ZCCHC14: variants seen among roughly 807,000 people sequenced by gnomAD.
ZCCHC14 encodes zinc finger CCHC domain-containing protein 14.
In ZCCHC14, 16 loss-of-function variants were observed where a neutral mutation model predicts 85.0. That is an observed-to-expected ratio of 0.19 (90% CI 0.13 to 0.29). The LOEUF (loss-of-function observed/expected upper bound fraction) is 0.29, where lower values mean the gene tolerates loss of function less well. Ranked by LOEUF, ZCCHC14 falls within the 10% of genes least tolerant of loss-of-function variation. The probability of loss-of-function intolerance (pLI) is 1.00; values close to 1 mark genes in which losing one functional copy is unlikely to be tolerated. For missense variants in ZCCHC14, 1,303 were observed against 1,443.5 expected (o/e 0.90, Z 1.58); for synonymous variants, 775 against 630.7 (o/e 1.23, Z -3.43).
chr16:87,492,852 G>A lies in ZCCHC14; in HGVS notation c.-614C>T, dbSNP rs148800232. ...CGCGGCGGGAGGCGCGGAGGGATCC[G>A]GCCGGGACTTGCCGGCCTTGCTGCT... On this transcript the variant is annotated 5_prime_UTR_variant, in exon 1 of 13. Transcript: ENST00000671377. This position sits in a 1 kb window ranked among gnomAD's most constrained non-coding sequence, Gnocchi z 6.7. Among the ~76,000 whole-genome samples, 5 of 147,910 alleles carry A rather than the reference G, an allele frequency of 3.4e-5. No individual in the cohort carries two copies. The highest frequency in any genetic ancestry group is 1.2e-4 in the African/African-American group (5 of 40,894).
Position 87,492,820 on chromosome 16 carries a change from A to G in ZCCHC14, c.-582T>C, listed in dbSNP as rs1912837300. Among the ~76,000 whole-genome samples, 1 of 144,506 alleles carries G rather than the reference A, an allele frequency of 6.9e-6. No individual in the cohort carries two copies. The allele number at this position is 144,506 out of a possible 152,430, so 94.8% of individuals were successfully genotyped here. A position where few individuals can be genotyped will look rare whatever the true frequency, so the allele number is the denominator to read the frequency against. On this transcript the variant is annotated 5_prime_UTR_variant, in exon 1 of 13. Coordinates refer to ENST00000671377, the MANE Select transcript of ZCCHC14 (RefSeq NM_015144.3). The surrounding 1 kb of genome is among the most constrained non-coding windows in gnomAD (Gnocchi z 6.7). ...GCCGCGAAACGGACGCTGGAGGGGGAGGGACGCGCGGCGGGAGGCGCGGAG... is the reference window on the plus strand; with the variant it reads ...GCCGCGAAACGGACGCTGGAGGGGGGGGGACGCGCGGCGGGAGGCGCGGAG...
rs767851015 is a variant in ZCCHC14, at chr16:87,418,817, A to C, written c.1100+30T>G. 1.9e-6 allele frequency: 3 copies of C among 1,603,500 alleles called. No individual in the cohort carries two copies. The East Asian group carries it at 6.7e-5, about 36-fold the overall frequency. On this transcript the variant is annotated intron_variant, in intron 7 of 12. Coordinates refer to ENST00000671377, the MANE Select transcript of ZCCHC14 (RefSeq NM_015144.3). Reference sequence around the variant, plus strand: ...TAAACATTGTAAAATGCTTATCTGAACTGTGCTGGTTACATAGAAGATTTC... The same window carrying C: ...TAAACATTGTAAAATGCTTATCTGACCTGTGCTGGTTACATAGAAGATTTC...
intron 2 of ZCCHC14, among the ~76,000 whole-genome samples, chr16:87,450,300 TTGTC>T (rs1910635165): frequency 6.6e-6 from 1 of 152,250 alleles, no homozygotes; most frequent in African/African-American, 2.4e-5. Flanking sequence ...TTTCATTTGC[TTGTC>T]TATGTTAATG....
rs145225907 is a variant in ZCCHC14 at position 87,433,491 on chromosome 16, C to G, written c.695-290G>C. ...CACACGTTTATGGACCCAGTGAGAG[C>G]CCAGCAGTAGCTACAACTGAGAATC... On this transcript the variant is annotated intron_variant, in intron 2 of 12. Coordinates refer to ENST00000671377, the MANE Select transcript of ZCCHC14 (RefSeq NM_015144.3). Among the ~76,000 whole-genome samples, 1,020 of 152,242 alleles carry G rather than the reference C, an allele frequency of 6.7e-3. 20 individuals carry two copies. The highest frequency in any genetic ancestry group is 0.024 in the African/African-American group (978 of 41,540).
At position 87,415,269 on chromosome 16, in the gene ZCCHC14, C is replaced by T. The variant is rs75080203; in HGVS notation, c.1475+7G>A. 2.0e-3 allele frequency: 3,204 copies of T among 1,613,748 alleles called. 6 individuals are homozygous for T. The highest frequency in any genetic ancestry group is 2.6e-3 in the Non-Finnish European group (3,065 of 1,179,828). On this transcript the variant is annotated splice_region_variant and intron_variant, in intron 9 of 12. Transcript: ENST00000671377. ...AACACAGGTTTCAAAACCCACTTCA[C>T]ACTCACTTTTCCAGCTCCAGCTGGG...
intron 2 of ZCCHC14, among the ~76,000 whole-genome samples, chr16:87,435,789 A>G (rs996896547): frequency 9.2e-5 from 14 of 152,256 alleles, no homozygotes; most frequent in Non-Finnish European, 2.1e-4. Context: ...GGAAGGAATT[A>G]CTATAAAAAA....
chr16:87,444,675 A>G (rs4843611), intron 2 of ZCCHC14, among the ~76,000 whole-genome samples: 101,290 of 151,708 alleles, frequency 0.67, 38,171 homozygotes, highest in Non-Finnish European at 0.85. Context: ...GTATCAAACA[A>G]ACCCAGATTG....
intron 2 of ZCCHC14, among the ~76,000 whole-genome samples, chr16:87,454,685 G>A (rs895980510): frequency 1.3e-5 from 2 of 152,246 alleles, no homozygotes; most frequent in Non-Finnish European, 2.9e-5. Context: ...AAAATGAAGA[G>A]CAGTGGGAAT....
chr16:87,441,580 G>C (rs985223705), intron 2 of ZCCHC14, among the ~76,000 whole-genome samples: 1 of 152,010 alleles, frequency 6.6e-6, no homozygotes, highest in African/African-American at 2.4e-5. Context: ...TCCAGAGTAA[G>C]AACACAAAAC....
At chr16:87,470,886 T>C (rs1911744450) in intron 1 of ZCCHC14, 2 of 152,214 alleles carry the variant, frequency 1.3e-5, no homozygotes, top group Admixed American at 1.3e-4. Flanking sequence ...TATTTTTCTG[T>C]TTTCCAATTT....
In ZCCHC14 at chr16:87,411,529, G is replaced by A; in HGVS notation, c.3192C>T (p.Asp1064=). The A allele has an allele frequency of 6.2e-7, 1 of 1,613,578 alleles. No individual in the cohort carries two copies. Among genetic ancestry groups the A allele is most frequent in the Non-Finnish European group, 8.5e-7 (1 of 1,180,028 alleles). ...RAQDCKQPSM[D]FNRPGTFRLK... is the part of the protein sequence containing the mutation. ...GCGCGCGCTTACCTGGCCGGTTGAA[G>A]TCCATGGACGGCTGTTTGCAGTCCT... The change falls in exon 12 of 13, where the codon GAC becomes GAT. Residue 1064 remains aspartate, a synonymous_variant. Coordinates refer to ENST00000671377, the MANE Select transcript of ZCCHC14 (RefSeq NM_015144.3).
intron 3 of ZCCHC14, among the ~76,000 whole-genome samples, chr16:87,425,259 C>CA (rs1325096580): frequency 1.3e-5 from 2 of 152,156 alleles, no homozygotes; most frequent in East Asian, 3.8e-4. Flanking sequence ...CACCTTGCCA[C>CA]CCAGAATCTT....
chr16:87,427,664 G>GTC, intron 3 of ZCCHC14, among the ~76,000 whole-genome samples: 1 of 152,154 alleles, frequency 6.6e-6, no homozygotes, highest in East Asian at 1.9e-4. Context: ...TTGAGACAAG[G>GTC]TCTCTCACTG....
intron 1 of ZCCHC14, among the ~76,000 whole-genome samples, chr16:87,477,859 CCG>C (rs1912092400): frequency 6.7e-6 from 1 of 148,950 alleles, no homozygotes; most frequent in African/African-American, 2.5e-5. Flanking sequence ...CTGCCCCTCA[CCG>C]CACACACCTG....
rs1911192347 is a variant in ZCCHC14, at chr16:87,460,212, C to A, written c.571-81G>T. Reference sequence around the variant, plus strand: ...AATTTTATTTGTTAATTAAGTCTTTCATAATTACCTTGGTTTCCATTTTTC... The same window carrying A: ...AATTTTATTTGTTAATTAAGTCTTTAATAATTACCTTGGTTTCCATTTTTC... On this transcript the variant is annotated intron_variant, in intron 1 of 12. Coordinates refer to ENST00000671377, the MANE Select transcript of ZCCHC14 (RefSeq NM_015144.3). 3.3e-6 allele frequency: 5 copies of A among 1,522,512 alleles called. No homozygotes were observed. In the African/African-American group the frequency reaches 5.5e-5, roughly 17 times the overall value. 94.3% of individuals were successfully genotyped at this position (1,522,512 alleles called of 1,614,324 possible).
At chr16:87,475,674 T>C (rs778322327) in intron 1 of ZCCHC14, among the ~76,000 whole-genome samples, 8 of 151,840 alleles carry the variant, frequency 5.3e-5, no homozygotes, top group Non-Finnish European at 1.0e-4. Context: ...TCAGTGAATC[T>C]GAAGATGGAT....
At chr16:87,477,137 A>AAAAAC (rs1348158109) in intron 1 of ZCCHC14, among the ~76,000 whole-genome samples, 34 of 136,862 alleles carry the variant, frequency 2.5e-4, no homozygotes, top group African/African-American at 8.7e-4. Context: ...AAAAAAAAAA[A>AAAAAC]AAAACAAAAC....
At chr16:87,466,617 G>C (rs747459704) in intron 1 of ZCCHC14, among the ~76,000 whole-genome samples, 1 of 140,412 alleles carries the variant, frequency 7.1e-6, no homozygotes, top group African/African-American at 3.0e-5. Flanking sequence ...TGGGCTCCTC[G>C]AACAGAGTCT....
At chr16:87,481,427 C>G (rs868804236) in intron 1 of ZCCHC14, among the ~76,000 whole-genome samples, 4 of 151,216 alleles carry the variant, frequency 2.6e-5, no homozygotes, top group African/African-American at 2.4e-5. Flanking sequence ...ATTCTAATCT[C>G]CATCCTGCTT....
Sources: gnomAD v4.1 joint callset for allele counts (sites outside exome capture counted in the v4.1 genomes callset) on GRCh38, gnomAD v4.1.1 for gene constraint, Gnocchi (gnomAD v3.1) non-coding constraint, MANE v1.5 for transcripts, NCBI Gene and HGNC (gene_info 2026-07-23, HGNC 2026-07-21) for gene names.